The following CNTNAP2 variants were observed in gnomAD, a reference collection of about 807,000 sequenced individuals.
The protein encoded by CNTNAP2 is contactin associated protein 2.
CNTNAP2 carries 98 observed loss-of-function variants against 155.2 expected under a neutral mutation model. The ratio of observed to expected loss-of-function variants is 0.63; its 90% CI spans 0.54 to 0.75. The LOEUF (loss-of-function observed/expected upper bound fraction) is 0.75. CNTNAP2 is among the 30% of genes least tolerant of loss of function. The pLI, the probability that CNTNAP2 is intolerant of heterozygous loss-of-function variation, is 0.00. For missense variants in CNTNAP2, 1,727 were observed against 1,688.1 expected (o/e 1.02, Z -0.40); for synonymous variants, 651 against 631.2 (o/e 1.03, Z -0.47).
intron 1 of CNTNAP2, among the ~76,000 whole-genome samples, chr7:146,600,066 G>T (rs1798926730): frequency 6.6e-6 from 1 of 151,934 alleles, no homozygotes; most frequent in South Asian, 2.1e-4. Context: ...TCGGAAGCTG[G>T]CCACCTAGAC....
At chr7:146,518,877 A>G (rs555919303) in intron 1 of CNTNAP2, among the ~76,000 whole-genome samples, 97 of 152,036 alleles carry the variant, frequency 6.4e-4, no homozygotes, top group African/African-American at 2.3e-3. Flanking sequence ...TTGGGAAGAC[A>G]AGACCACATG....
chr7:148,370,278 A>G (rs1475915525), intron 21 of CNTNAP2, among the ~76,000 whole-genome samples: 1 of 152,068 alleles, frequency 6.6e-6, no homozygotes, highest in African/African-American at 2.4e-5. Flanking sequence ...GGTTCTATCC[A>G]TCTTTGTGAC....
chr7:146,193,858 C>T (rs1490819748), intron 1 of CNTNAP2, among the ~76,000 whole-genome samples: 1 of 152,128 alleles, frequency 6.6e-6, no homozygotes, highest in African/African-American at 2.4e-5. Flanking sequence ...ATCACTTTGC[C>T]ACCTTAGAAA....
intron 22 of CNTNAP2, among the ~76,000 whole-genome samples, chr7:148,394,617 T>TAA (rs1289297804): frequency 6.6e-6 from 1 of 152,236 alleles, no homozygotes; most frequent in Non-Finnish European, 1.5e-5. Context: ...ACACCATGCG[T>TAA]GTCTTCTCCA....
intron 1 of CNTNAP2, among the ~76,000 whole-genome samples, chr7:146,704,718 A>T (rs911356827): frequency 6.6e-6 from 1 of 152,182 alleles, no homozygotes; most frequent in African/African-American, 2.4e-5. Context: ...TATTCTCCAT[A>T]TCCTACATAG....
At chr7:148,235,172 G>A (rs948122101) in intron 20 of CNTNAP2, among the ~76,000 whole-genome samples, 1 of 152,112 alleles carries the variant, frequency 6.6e-6, no homozygotes, top group Non-Finnish European at 1.5e-5. Flanking sequence ...AATAATATAA[G>A]CACGGTAATT....
At chr7:147,948,642 C>T (rs1162129515) in intron 14 of CNTNAP2, among the ~76,000 whole-genome samples, 1 of 147,320 alleles carries the variant, frequency 6.8e-6, no homozygotes, top group South Asian at 2.1e-4. Context: ...CACACACACA[C>T]ATATACACAC....
intron 1 of CNTNAP2, among the ~76,000 whole-genome samples, chr7:146,160,594 A>G (rs1798203963): frequency 6.6e-6 from 1 of 152,246 alleles, no homozygotes. Context: ...ATAAACTAGA[A>G]TATCTAGCAG....
chr7:147,700,349 G>A (rs138880323), intron 13 of CNTNAP2, among the ~76,000 whole-genome samples: 2 of 152,110 alleles, frequency 1.3e-5, no homozygotes, highest in African/African-American at 2.4e-5. Context: ...TTCCAGGAGG[G>A]CTGTTCACAT....
intron 15 of CNTNAP2, among the ~76,000 whole-genome samples, chr7:148,030,357 G>A (rs976563518): frequency 1.3e-5 from 2 of 152,098 alleles, no homozygotes; most frequent in Admixed American, 6.6e-5. Flanking sequence ...AAAGAAAGGG[G>A]AATTGTCAAT....
intron 1 of CNTNAP2, among the ~76,000 whole-genome samples, chr7:146,383,338 C>A (rs1310552998): frequency 6.6e-6 from 1 of 152,026 alleles, no homozygotes. Flanking sequence ...GTCTTCCATG[C>A]AGTTTCACAT....
intron 3 of CNTNAP2, among the ~76,000 whole-genome samples, chr7:146,961,531 C>T (rs1797558545): frequency 6.6e-6 from 1 of 152,190 alleles, no homozygotes; most frequent in African/African-American, 2.4e-5. Context: ...TTTTTACACC[C>T]TCTACCCTGA....
At chr7:146,521,345 A>G (rs948488488) in intron 1 of CNTNAP2, among the ~76,000 whole-genome samples, 2 of 152,002 alleles carry the variant, frequency 1.3e-5, no homozygotes, top group African/African-American at 2.4e-5. Context: ...TCTGCAGGAT[A>G]TAGTTTGCTG....
intron 15 of CNTNAP2, among the ~76,000 whole-genome samples, chr7:148,116,102 G>A (rs1804464382): frequency 6.7e-6 from 1 of 150,126 alleles, no homozygotes; most frequent in Admixed American, 6.6e-5. Context: ...TCGTGCCACT[G>A]CACTCCATCC....
chr7:147,246,678 G>A (rs773353325), intron 8 of CNTNAP2, among the ~76,000 whole-genome samples: 9 of 152,102 alleles, frequency 5.9e-5, no homozygotes, highest in African/African-American at 1.9e-4. Context: ...TTAGAGGTAC[G>A]CAAACATTCA....
At chr7:146,996,160 C>G (rs1163497645) in intron 3 of CNTNAP2, among the ~76,000 whole-genome samples, 1 of 151,944 alleles carries the variant, frequency 6.6e-6, no homozygotes, top group Non-Finnish European at 1.5e-5. Context: ...ATTAAAGAGA[C>G]TGTTTTTTCC....
intron 1 of CNTNAP2, among the ~76,000 whole-genome samples, chr7:146,162,693 A>G (rs963962362): frequency 4.6e-5 from 7 of 152,220 alleles, no homozygotes; most frequent in African/African-American, 1.4e-4. Flanking sequence ...TGCTGCTATA[A>G]AGACACATGC....
rs562448359 is a variant in CNTNAP2 at position 148,071,723 on chromosome 7, C to A, written c.2384-46395C>A. ...AAGGTATGAATTGAGGATTTTGATTCTTTTTCCATAAATACTTACCTTGTG... is the reference window on the plus strand; with the variant it reads ...AAGGTATGAATTGAGGATTTTGATTATTTTTCCATAAATACTTACCTTGTG... On this transcript the variant is annotated intron_variant, in intron 15 of 23. Coordinates refer to ENST00000361727, the MANE Select transcript of CNTNAP2 (RefSeq NM_014141.6). Among the ~76,000 whole-genome samples, 30 of 152,242 alleles carry A rather than the reference C, an allele frequency of 2.0e-4. No individual in the cohort carries two copies. In the South Asian group the frequency reaches 5.8e-3, roughly 30 times the overall value.
rs1414987286 is a variant in CNTNAP2, at chr7:146,732,106, T to A, written c.98-42165T>A. Among the ~76,000 whole-genome samples the A allele has an allele frequency of 5.3e-5, 8 of 152,142 alleles. No individual in the cohort carries two copies. The East Asian group carries it at 1.5e-3, about 29-fold the overall frequency. On this transcript the variant is annotated intron_variant, in intron 1 of 23. Coordinates refer to ENST00000361727, the MANE Select transcript of CNTNAP2 (RefSeq NM_014141.6). ...GATTCACCAATAGATTTCTATTTTT[T>A]TCTTATACACATTTAACATCAGAAT...
Sources: gnomAD v4.1 joint callset for allele counts (sites outside exome capture counted in the v4.1 genomes callset) on GRCh38, gnomAD v4.1.1 for gene constraint, MANE v1.5 for transcripts, NCBI Gene and HGNC (gene_info 2026-07-23, HGNC 2026-07-21) for gene names.